LIN52: variants seen among roughly 807,000 people sequenced by gnomAD.
LIN52 encodes lin-52 DREAM MuvB core complex component.
A neutral mutation model predicts 18.5 loss-of-function variants in LIN52; 4 were observed. The ratio of observed to expected loss-of-function variants is 0.22; its 90% CI spans 0.11 to 0.49. LIN52 has a LOEUF of 0.49. Ranked by LOEUF, LIN52 falls within the 20% of genes least tolerant of loss-of-function variation. The pLI is 0.97. For missense variants in LIN52, 102 were observed against 139.5 expected (o/e 0.73, Z 1.35); for synonymous variants, 34 against 45.5 (o/e 0.75, Z 1.02).
chr14:74,115,266 T>C (rs1049841082), intron 5 of LIN52, among the ~76,000 whole-genome samples: 1 of 152,214 alleles, frequency 6.6e-6, no homozygotes, highest in Non-Finnish European at 1.5e-5. Flanking sequence ...ATAACAAGTA[T>C]TATAATTATT....
intron 5 of LIN52, chr14:74,114,231 T>TA: frequency 1.0e-6 from 1 of 982,174 alleles, no homozygotes. Flanking sequence ...ACTTGTGCTT[T>TA]AAAAAATTTT....
intron 4 of LIN52, among the ~76,000 whole-genome samples, chr14:74,098,732 G>GTTTT (rs2060832652): frequency 6.6e-6 from 1 of 151,992 alleles, no homozygotes; most frequent in African/African-American, 2.4e-5. Context: ...AGTTTTAGTA[G>GTTTT]AGATGGGGTT....
intron 5 of LIN52, among the ~76,000 whole-genome samples, chr14:74,181,228 A>G (rs1482982594): frequency 2.0e-5 from 3 of 151,720 alleles, no homozygotes; most frequent in Non-Finnish European, 4.4e-5. Flanking sequence ...ATCACTTATT[A>G]AGGTCAGGAG....
rs1555382571 is a variant in LIN52 at position 74,130,278 on chromosome 14, G to GTTTGTTTTTTTTTTTTTTTTTTTTTTTT, written c.283+29043_283+29044insGTTTTTTTTTTTTTTTTTTTTTTTTTTT. Reference sequence around the variant, plus strand: ...GAATTTATTAGATAGGCATTTTTTGGTTTTTTTTTTTTTTTTTTGAGACAG... The same window carrying GTTTGTTTTTTTTTTTTTTTTTTTTTTTT: ...GAATTTATTAGATAGGCATTTTTTGGTTTGTTTTTTTTTTTTTTTTTTTTTTTTTTTTTTTTTTTTTTTTTTGAGACAG... On this transcript the variant is annotated intron_variant, in intron 5 of 5. Transcript: ENST00000555028. Among the ~76,000 whole-genome samples the GTTTGTTTTTTTTTTTTTTTTTTTTTTTT allele has an allele frequency of 1.7e-4, 11 of 64,820 alleles. 1 individual carries two copies. The highest frequency in any genetic ancestry group is 5.7e-4 in the African/African-American group (9 of 15,876). The allele number at this position is 64,820 out of a possible 152,430, so 42.5% of individuals were successfully genotyped here.
chr14:74,173,241 G>A (rs2061279027), intron 5 of LIN52, among the ~76,000 whole-genome samples: 1 of 152,104 alleles, frequency 6.6e-6, no homozygotes, highest in African/African-American at 2.4e-5. Context: ...AGGCTGGAGT[G>A]CAATGGCATG....
At chr14:74,088,489 C>G (rs1015840858) in intron 1 of LIN52, among the ~76,000 whole-genome samples, 2 of 152,168 alleles carry the variant, frequency 1.3e-5, no homozygotes, top group African/African-American at 4.8e-5. Flanking sequence ...TCCCAAAGCA[C>G]TGGGATTCCA....
chr14:74,167,513 G>C (rs1016430060), intron 5 of LIN52, among the ~76,000 whole-genome samples: 2 of 151,976 alleles, frequency 1.3e-5, no homozygotes, highest in African/African-American at 4.8e-5. Flanking sequence ...TGATCCACCC[G>C]CCTCAGCCTC....
At chr14:74,196,359 A>T (rs932086284) in intron 5 of LIN52, among the ~76,000 whole-genome samples, 3 of 152,132 alleles carry the variant, frequency 2.0e-5, no homozygotes, top group Admixed American at 6.5e-5. Flanking sequence ...TTTGGGGAAA[A>T]ACAGTAAGGA....
rs145736245 is a variant in LIN52 at position 74,181,512 on chromosome 14, G to T, written c.284-17410G>T. Among the ~76,000 whole-genome samples, 19 of 150,626 alleles carry T rather than the reference G, an allele frequency of 1.3e-4. No individual in the cohort carries two copies. In the East Asian group the frequency reaches 3.7e-3, roughly 29 times the overall value. ...TTAACCAGATTTTCCCCCGTCTATTGTGTTTTGCCACATTATGTATAATTT... is the reference window on the plus strand; with the variant it reads ...TTAACCAGATTTTCCCCCGTCTATTTTGTTTTGCCACATTATGTATAATTT... On this transcript the variant is annotated intron_variant, in intron 5 of 5. Coordinates refer to ENST00000555028, the MANE Select transcript of LIN52 (RefSeq NM_001024674.3).
chr14:74,194,869 G>A (rs2078900148), intron 5 of LIN52, among the ~76,000 whole-genome samples: 1 of 152,190 alleles, frequency 6.6e-6, no homozygotes. Flanking sequence ...GACAGGCTGG[G>A]CGAGGTGGCT....
intron 1 of LIN52, among the ~76,000 whole-genome samples, chr14:74,085,962 A>G (rs936225979): frequency 1.3e-5 from 2 of 152,224 alleles, no homozygotes; most frequent in Non-Finnish European, 2.9e-5. Context: ...CATGAAAGGC[A>G]TAATGCTAGG....
At chr14:74,109,993 A>G (rs771089735) in intron 5 of LIN52, among the ~76,000 whole-genome samples, 19 of 152,190 alleles carry the variant, frequency 1.2e-4, no homozygotes, top group Non-Finnish European at 2.1e-4. Context: ...AGTGTTGAAT[A>G]GACGTGGCAG....
chr14:74,139,246 G>T (rs1349089008), intron 5 of LIN52, among the ~76,000 whole-genome samples: 1 of 152,150 alleles, frequency 6.6e-6, no homozygotes, highest in African/African-American at 2.4e-5. Context: ...TATAATTTTG[G>T]TAGCAAAAAA....
At chr14:74,183,765 C>G (rs114569305) in intron 5 of LIN52, among the ~76,000 whole-genome samples, 2,401 of 152,124 alleles carry the variant, frequency 0.016, 62 homozygotes, top group African/African-American at 0.054. Context: ...AAGGCAAATC[C>G]TAGATGTCAT....
At chr14:74,124,810 C>CAAAAAAAAAAAAAA (rs5809648) in intron 5 of LIN52, among the ~76,000 whole-genome samples, 1 of 59,440 alleles carries the variant, frequency 1.7e-5, no homozygotes, top group African/African-American at 6.7e-5. Flanking sequence ...GACCCTGTCT[C>CAAAAAAAAAAAAAA]AAAAAAAAAA....
At position 74,086,011 on chromosome 14, in the gene LIN52, A is replaced by T. The variant is rs370760390; in HGVS notation, c.19+1018A>T. On this transcript the variant is annotated intron_variant, in intron 1 of 5. Coordinates refer to ENST00000555028, the MANE Select transcript of LIN52 (RefSeq NM_001024674.3). The stretch of plus-strand genomic sequence containing the variant: ...CAAAAGATGACTCAAACATATAAAC[A>T]TTTTTTTTTTTCAGTTTCAGTTCTC... 8.1e-5 allele frequency among the ~76,000 whole-genome samples: 12 copies of T among 148,264 alleles called. No homozygotes were observed. In the South Asian group the frequency reaches 2.1e-3, roughly 26 times the overall value.
intron 3 of LIN52, among the ~76,000 whole-genome samples, chr14:74,096,763 A>G (rs1298582232): frequency 2.6e-5 from 4 of 152,174 alleles, no homozygotes; most frequent in Admixed American, 1.3e-4. Flanking sequence ...TAAATATAAA[A>G]AAAGAAAAGC....
chr14:74,166,873 A>G (rs1482336865), intron 5 of LIN52, among the ~76,000 whole-genome samples: 1 of 152,214 alleles, frequency 6.6e-6, no homozygotes, highest in East Asian at 1.9e-4. Context: ...ATGGAATTTT[A>G]CTTTTTTGAC....
intron 5 of LIN52, among the ~76,000 whole-genome samples, chr14:74,195,556 A>ATGTGTGTGTG (rs59249126): frequency 6.7e-5 from 10 of 149,564 alleles, no homozygotes; most frequent in Non-Finnish European, 1.5e-4. Flanking sequence ...GTGTGTGTGT[A>ATGTGTGTGTG]TGTGTGTGTG....
Sources: gnomAD v4.1 joint callset for allele counts (sites outside exome capture counted in the v4.1 genomes callset) on GRCh38, gnomAD v4.1.1 for gene constraint, MANE v1.5 for transcripts, NCBI Gene and HGNC (gene_info 2026-07-23, HGNC 2026-07-21) for gene names.